DNAH5: variants seen among roughly 807,000 people sequenced by gnomAD.
DNAH5 encodes axonemal beta dynein heavy chain 5.
A neutral mutation model predicts 518.2 loss-of-function variants in DNAH5; 372 were observed. The ratio of observed to expected loss-of-function variants is 0.72; its 90% confidence interval spans 0.66 to 0.78. The LOEUF (loss-of-function observed/expected upper bound fraction) is 0.78, where lower values mean the gene tolerates loss of function less well. Among genes scored for constraint, DNAH5 ranks in the 30% least tolerant of loss-of-function variants. The pLI is 0.00. For synonymous variants in DNAH5, 2,039 were observed against 2,025.9 expected, an observed-to-expected ratio of 1.01 and a Z score of -0.17; for missense variants, 5,523 against 5,687.0, an observed-to-expected ratio of 0.97 and a Z score of 0.93.
intron 76 of DNAH5, among the ~76,000 whole-genome samples, chr5:13,703,273 A>T (rs952553604): frequency 2.6e-5 from 4 of 152,162 alleles, no homozygotes; most frequent in African/African-American, 9.7e-5. Context: ...CATGCCAGGC[A>T]CTGTTCTAAG....
At chr5:13,807,340 G>C (rs370039717) in intron 47 of DNAH5, among the ~76,000 whole-genome samples, 42 of 152,160 alleles carry the variant, frequency 2.8e-4, no homozygotes, top group African/African-American at 9.7e-4. Context: ...TTTCTACATA[G>C]ATATTTTAAA....
intron 1 of DNAH5, among the ~76,000 whole-genome samples, chr5:13,970,742 A>T (rs1781808049): frequency 6.6e-6 from 1 of 152,188 alleles, no homozygotes; most frequent in African/African-American, 2.4e-5. Flanking sequence ...TTGTCTTTAG[A>T]TAACCTGACG....
At chr5:13,775,193 T>C (rs1186118251) in intron 55 of DNAH5, among the ~76,000 whole-genome samples, 1 of 150,612 alleles carries the variant, frequency 6.6e-6, no homozygotes, top group African/African-American at 2.4e-5. Flanking sequence ...GGACTTTAAA[T>C]TTTAAATCAC....
chr5:13,831,454 C>G (rs906839976), intron 35 of DNAH5, among the ~76,000 whole-genome samples: 4 of 152,152 alleles, frequency 2.6e-5, no homozygotes, highest in Non-Finnish European at 5.9e-5. Context: ...CCAAAGGAGA[C>G]AAATTATAAA....
chr5:13,692,105 G>C lies in DNAH5; in HGVS notation c.13754C>G (p.Pro4585Arg). The C allele has an allele frequency of 1.9e-6, 3 of 1,613,906 alleles. No homozygotes were observed. Among genetic ancestry groups the C allele is most frequent in the Non-Finnish European group, 2.5e-6 (3 of 1,179,944 alleles). Residue 4585 changes from proline to arginine, a missense_variant, in exon 79 of 79, where the codon CCC becomes CGC. This residue lies in a region of DNAH5 where 387 missense variants were observed against 430.0 expected (regional missense o/e 0.90). Coordinates refer to ENST00000265104, the MANE Select transcript of DNAH5 (RefSeq NM_001369.3). Reference protein sequence around the residue: ...TLRDPRFYSCPIYKKPVRTDL... With the variant: ...TLRDPRFYSCRIYKKPVRTDL... ...CGTTCGAACTGGCTTCTTATAGATG[G>C]GACAGGAGTAAAACCGAGGATCTCG...
intron 35 of DNAH5, among the ~76,000 whole-genome samples, chr5:13,838,320 G>A (rs1764685126): frequency 1.3e-5 from 2 of 152,180 alleles, no homozygotes; most frequent in Non-Finnish European, 2.9e-5. Context: ...TCCATGGTCT[G>A]TTAGGAACCG....
chr5:13,872,187 G>A (rs1770220818), intron 22 of DNAH5, among the ~76,000 whole-genome samples: 1 of 152,114 alleles, frequency 6.6e-6, no homozygotes, highest in Non-Finnish European at 1.5e-5. Context: ...TTCATTGACT[G>A]AACCCACTGG....
rs886059964 is a variant in DNAH5 at position 13,716,554 on chromosome 5, A to G, written c.12842T>C (p.Phe4281Ser). ...WFSENMFGPD[F>S]SFYQGYNIPK... ...AATATTGTATCCTTGGTAAAAACTG[A>G]AATCTGGTCCAAACATATTTTCACT... Residue 4281 changes from phenylalanine to serine, a missense_variant, in exon 74 of 79, where the codon TTC becomes TCC. Around this residue, in one of 3 missense-constraint regions of DNAH5, gnomAD observed 387 missense variants for 430.0 expected, o/e 0.90. Coordinates refer to ENST00000265104, the MANE Select transcript of DNAH5 (RefSeq NM_001369.3). 2.5e-6 allele frequency: 4 copies of G among 1,613,848 alleles called. No homozygotes were observed. Among genetic ancestry groups the G allele is most frequent in the Non-Finnish European group, 3.4e-6 (4 of 1,179,894 alleles).
chr5:13,931,050 T>C (rs1778363350), intron 2 of DNAH5, 60 bp downstream of exon 2: 1 of 1,612,762 alleles, frequency 6.2e-7, no homozygotes, highest in East Asian at 2.2e-5. Context: ...CACAGGACTG[T>C]GTCAACAGAC....
intron 9 of DNAH5, among the ~76,000 whole-genome samples, chr5:13,914,973 C>T (rs1011798351): frequency 4.6e-5 from 7 of 152,044 alleles, no homozygotes; most frequent in African/African-American, 1.7e-4. Flanking sequence ...AGGTAGCCTG[C>T]TCTAATATCT....
intron 27 of DNAH5, among the ~76,000 whole-genome samples, chr5:13,865,141 C>G (rs533568081): frequency 2.0e-5 from 3 of 151,158 alleles, no homozygotes; most frequent in Non-Finnish European, 4.4e-5. Flanking sequence ...ATTACAGGTA[C>G]GTGCCGCCAT....
In DNAH5 at chr5:13,714,515, T is replaced by C. The variant is rs560535018; in HGVS notation, c.13015A>G (p.Ile4339Val). 1 of 1,614,152 alleles carries C rather than the reference T, an allele frequency of 6.2e-7. No homozygotes were observed. The highest frequency in any genetic ancestry group is 8.5e-7 in the Non-Finnish European group (1 of 1,180,008). The change falls in exon 75 of 79, where the codon ATC becomes GTC. Residue 4339 changes from isoleucine to valine, a missense_variant. Coordinates refer to ENST00000265104, the MANE Select transcript of DNAH5 (RefSeq NM_001369.3). ...CCACCAGAGGTGTCCTTGGGTTGGA[T>C]GCCTAGGATGGTGTCCAGCACGTCC... The part of the protein sequence containing the change: ...AKDVLDTILG[I>V]QPKDTSGGGD...
Position 13,775,465 on chromosome 5 carries a change from G to A in DNAH5, c.9373+974C>T, listed in dbSNP as rs537456085. Among the ~76,000 whole-genome samples, 8 of 151,592 alleles carry A rather than the reference G, an allele frequency of 5.3e-5. No individual in the cohort carries two copies. The East Asian group carries it at 5.8e-4, about 11-fold the overall frequency. ...AAGATAGATGGATAGATAATGGATC[G>A]ATGGATAGATAATTAATAGATATTT... On this transcript the variant is annotated intron_variant, in intron 55 of 78. Coordinates refer to ENST00000265104, the MANE Select transcript of DNAH5 (RefSeq NM_001369.3).
In DNAH5 at chr5:13,866,221, T is replaced by G. The variant is rs772435565; in HGVS notation, c.4115A>C (p.Gln1372Pro). The change falls in exon 26 of 79, where the codon CAG becomes CCG. Residue 1372 changes from glutamine to proline, a missense_variant and splice_region_variant. Physicochemically the swap from Gln to Pro is moderately conservative, Grantham distance 76 (BLOSUM62 -1). Transcript: ENST00000265104. ...QEASDRLIMF[Q>P]NQFDNIYRKY... The stretch of plus-strand genomic sequence containing the variant: ...AGTCATAGAAACTAAAAAGATTACC[T>G]GAAACATGATAAGCCTGTCACTGGC... 6.2e-7 allele frequency: 1 copy of G among 1,613,214 alleles called. No homozygotes were observed. Among genetic ancestry groups the G allele is most frequent in the South Asian group, 1.1e-5 (1 of 91,014 alleles).
At chr5:13,833,982 AT>A (rs1764036946) in intron 35 of DNAH5, among the ~76,000 whole-genome samples, 3 of 152,204 alleles carry the variant, frequency 2.0e-5, no homozygotes, top group African/African-American at 2.4e-5. Flanking sequence ...GGCTGACAAC[AT>A]GTCAGTGCCT....
intron 1 of DNAH5, among the ~76,000 whole-genome samples, chr5:13,986,911 C>T (rs1204583782): frequency 6.6e-6 from 1 of 152,232 alleles, no homozygotes; most frequent in Non-Finnish European, 1.5e-5. Context: ...CGCCACCTGT[C>T]CCAGGGATTC....
At chr5:13,778,596 A>AAGAAAGAAAGAGAGAG (rs768853052) in intron 53 of DNAH5, among the ~76,000 whole-genome samples, 15 of 102,234 alleles carry the variant, frequency 1.5e-4, no homozygotes, top group Admixed American at 8.5e-4. Context: ...GAAAGAAAGA[A>AAGAAAGAAAGAGAGAG]AGAGAGAGAG....
At position 13,753,391 on chromosome 5, in the gene DNAH5, T is replaced by TAGGAGC. The variant is rs759025122; in HGVS notation, c.10708_10713dup (p.Ala3570_Pro3571dup). 5.6e-6 allele frequency: 9 copies of TAGGAGC among 1,613,946 alleles called. No individual in the cohort carries two copies. The highest frequency in any genetic ancestry group is 7.6e-6 in the Non-Finnish European group (9 of 1,179,970). ...CCTTGGAGGTTCCATTCACTAATAG[T>TAGGAGC]AGGAGCATCAATCAACATCTCACTG... On this transcript the variant is annotated inframe_insertion, in exon 63 of 79. Transcript: ENST00000265104.
At chr5:13,855,277 C>T (rs1217349482) in intron 30 of DNAH5, among the ~76,000 whole-genome samples, 2 of 101,668 alleles carry the variant, frequency 2.0e-5, no homozygotes, top group East Asian at 2.5e-4. Flanking sequence ...GGCGGGATCT[C>T]GGCTCACTGC....
Sources: allele counts gnomAD v4.1 joint callset (sites outside exome capture counted in the v4.1 genomes callset), GRCh38; gene constraint gnomAD v4.1.1; regional missense constraint gnomAD v4.1.1; transcripts MANE v1.5; gene names NCBI Gene and HGNC (gene_info 2026-07-23, HGNC 2026-07-21).